The following CACNA1E variants were observed in gnomAD, a reference collection of about 807,000 sequenced individuals.
The protein encoded by CACNA1E is voltage-dependent R-type calcium channel subunit alpha-1E.
CACNA1E carries 40 observed loss-of-function variants against 259.2 expected under a neutral mutation model. The ratio of observed to expected loss-of-function variants is 0.15; its 90% CI spans 0.12 to 0.20. CACNA1E has a LOEUF of 0.20. Ranked by LOEUF, CACNA1E falls within the 10% of genes least tolerant of loss-of-function variation. CACNA1E has a pLI of 1.00. For synonymous variants in CACNA1E, 1,104 were observed against 1,138.5 expected, an observed-to-expected ratio of 0.97 and a Z score of 0.61; for missense variants, 1,874 against 3,040.1, an observed-to-expected ratio of 0.62 and a Z score of 9.02.
At chr1:181,724,414 GC>G (rs1357123571) in intron 16 of CACNA1E, 55 bp from the exon 17 acceptor site, 122 of 1,448,814 alleles carry the variant, frequency 8.4e-5, no homozygotes, top group Non-Finnish European at 1.2e-4. Context: ...TGGCCTCTCA[GC>G]CTTGCTGAAG....
intron 8 of CACNA1E, among the ~76,000 whole-genome samples, chr1:181,714,790 G>A (rs1572681328): frequency 6.6e-6 from 1 of 152,132 alleles, no homozygotes; most frequent in African/African-American, 2.4e-5. Flanking sequence ...GGAAGCCATG[G>A]GGACAGGAGG....
chr1:181,578,822 AACAGAG>A (rs1223011990), intron 4 of CACNA1E, among the ~76,000 whole-genome samples: 6 of 152,210 alleles, frequency 3.9e-5, no homozygotes, highest in Non-Finnish European at 5.9e-5. Flanking sequence ...GTGCTTCCCC[AACAGAG>A]ACTGAGAACT....
At chr1:181,425,310 C>G (rs73048026) in intron 2 of CACNA1E, among the ~76,000 whole-genome samples, 4,865 of 152,144 alleles carry the variant, frequency 0.032, 284 homozygotes, top group African/African-American at 0.11. Context: ...AGGGCCTTCC[C>G]CCTCCCTGAC....
At chr1:181,333,411 T>C (rs1320905415) in intron 1 of CACNA1E, among the ~76,000 whole-genome samples, 4 of 152,230 alleles carry the variant, frequency 2.6e-5, no homozygotes, top group Non-Finnish European at 2.9e-5. Flanking sequence ...GTAAATATTT[T>C]AGTCTGTGGG....
chr1:181,788,058 G>T (rs1660992899), intron 43 of CACNA1E, among the ~76,000 whole-genome samples: 1 of 152,170 alleles, frequency 6.6e-6, no homozygotes, highest in South Asian at 2.1e-4. Context: ...ATTTCTAGAG[G>T]CAGGAACACC....
rs550161754 is a variant in CACNA1E, at chr1:181,585,017, C to G, written c.951+4241C>G. Among the ~76,000 whole-genome samples, 80 of 149,440 alleles carry G rather than the reference C, an allele frequency of 5.4e-4. No homozygotes were observed. The Middle Eastern group carries it at 0.01, about 19-fold the overall frequency. On this transcript the variant is annotated intron_variant, in intron 6 of 47. Transcript: ENST00000367573. Reference sequence around the variant, plus strand: ...ATGCTCTGGAATAAACTGGTCCCCCCCCCTGCCTCAAACAACCCCATCTGG... The same window carrying G: ...ATGCTCTGGAATAAACTGGTCCCCCGCCCTGCCTCAAACAACCCCATCTGG...
At chr1:181,519,052 G>C (rs1390475335) in intron 3 of CACNA1E, among the ~76,000 whole-genome samples, 1 of 152,192 alleles carries the variant, frequency 6.6e-6, no homozygotes, top group African/African-American at 2.4e-5. Context: ...TGGGCCTGGA[G>C]CTCTCATTTG....
chr1:181,643,037 T>C (rs1163181916), intron 6 of CACNA1E, among the ~76,000 whole-genome samples: 1 of 152,170 alleles, frequency 6.6e-6, no homozygotes, highest in African/African-American at 2.4e-5. Context: ...TTAATAACAT[T>C]TTTCACTGTT....
intron 6 of CACNA1E, among the ~76,000 whole-genome samples, chr1:181,648,775 C>A (rs973771435): frequency 6.6e-6 from 1 of 152,216 alleles, no homozygotes; most frequent in African/African-American, 2.4e-5. Flanking sequence ...ACAAAATTAT[C>A]TTAAAAGTCA....
At chr1:181,797,833 G>A (rs1661947219) in intron 47 of CACNA1E, among the ~76,000 whole-genome samples, 1 of 152,168 alleles carries the variant, frequency 6.6e-6, no homozygotes, top group Non-Finnish European at 1.5e-5. Flanking sequence ...AGGAATAAGG[G>A]TTTCCCAGCC....
At chr1:181,381,865 A>G (rs1483900073) in intron 1 of CACNA1E, among the ~76,000 whole-genome samples, 1 of 152,234 alleles carries the variant, frequency 6.6e-6, no homozygotes, top group Non-Finnish European at 1.5e-5. Context: ...TCCCAAATCT[A>G]TGTAGGGAAC....
chr1:181,594,507 T>C (rs940991161), intron 6 of CACNA1E, among the ~76,000 whole-genome samples: 1 of 152,230 alleles, frequency 6.6e-6, no homozygotes, highest in African/African-American at 2.4e-5. Flanking sequence ...CAAGTGATTC[T>C]TGTGCCTTAG....
intron 1 of CACNA1E, among the ~76,000 whole-genome samples, chr1:181,392,063 G>GATAAGC (rs1656340000): frequency 6.6e-6 from 1 of 151,922 alleles, no homozygotes; most frequent in Non-Finnish European, 1.5e-5. Context: ...AGCCTGGGAG[G>GATAAGC]ATAAGCACAG....
intron 1 of CACNA1E, among the ~76,000 whole-genome samples, chr1:181,328,086 G>A (rs1557914630): frequency 6.6e-6 from 1 of 152,198 alleles, no homozygotes; most frequent in Non-Finnish European, 1.5e-5. Flanking sequence ...TTGAGCTGCT[G>A]TAACACAACA....
intron 6 of CACNA1E, among the ~76,000 whole-genome samples, chr1:181,618,617 C>T (rs199965): frequency 0.96 from 146,616 of 152,314 alleles, 70,771 homozygotes; most frequent in East Asian, 1. Context: ...CTTCAGTAGA[C>T]GAAGTGTCCT....
At chr1:181,617,882 T>G (rs941238277) in intron 6 of CACNA1E, among the ~76,000 whole-genome samples, 6 of 152,208 alleles carry the variant, frequency 3.9e-5, no homozygotes, top group African/African-American at 1.4e-4. Context: ...GTGACTGCTG[T>G]TTTGTCCACA....
At chr1:181,421,238 C>A (rs143441981) in intron 2 of CACNA1E, among the ~76,000 whole-genome samples, 1 of 152,216 alleles carries the variant, frequency 6.6e-6, no homozygotes, top group Non-Finnish European at 1.5e-5. Context: ...TGCAATGCTA[C>A]TTGTAAATTG....
intron 1 of CACNA1E, among the ~76,000 whole-genome samples, chr1:181,379,926 G>C (rs76024668): frequency 0.061 from 9,107 of 149,780 alleles, 832 homozygotes; most frequent in African/African-American, 0.2. Flanking sequence ...GAAGTCAGTG[G>C]CAACATCTTT....
chr1:181,427,897 G>A (rs1160784455), intron 2 of CACNA1E, among the ~76,000 whole-genome samples: 1 of 151,696 alleles, frequency 6.6e-6, no homozygotes, highest in Non-Finnish European at 1.5e-5. Flanking sequence ...ACAGGATATG[G>A]TGTGCATCTT....
Sources: gnomAD v4.1 joint callset for allele counts (sites outside exome capture counted in the v4.1 genomes callset) on GRCh38, gnomAD v4.1.1 for gene constraint, MANE v1.5 for transcripts, NCBI Gene and HGNC (gene_info 2026-07-23, HGNC 2026-07-21) for gene names.